PLCE1: variants seen among roughly 807,000 people sequenced by gnomAD.
PLCE1 encodes phospholipase C epsilon 1.
PLCE1 carries 119 observed loss-of-function variants against 242.8 expected under a neutral mutation model. The ratio of observed to expected loss-of-function variants is 0.49; its 90% CI spans 0.42 to 0.57. The LOEUF (loss-of-function observed/expected upper bound fraction) is 0.57. PLCE1 is among the 20% of genes least tolerant of loss of function. PLCE1 has a pLI of 0.00. For missense variants in PLCE1, 2,441 were observed against 2,788.8 expected (o/e 0.88, Z 2.81); for synonymous variants, 945 against 1,017.4 (o/e 0.93, Z 1.35).
chr10:94,187,521 G>T (rs866712762), intron 4 of PLCE1, among the ~76,000 whole-genome samples: 1 of 152,110 alleles, frequency 6.6e-6, no homozygotes, highest in Non-Finnish European at 1.5e-5. Flanking sequence ...CTGGATACCC[G>T]ATGGCTCGGT....
chr10:94,190,290 T>G (rs1045704046), intron 4 of PLCE1, among the ~76,000 whole-genome samples: 1 of 152,120 alleles, frequency 6.6e-6, no homozygotes, highest in Non-Finnish European at 1.5e-5. Flanking sequence ...AAAATTAAAT[T>G]AATTAATTAC....
chr10:94,250,942 C>G (rs2050852298), intron 8 of PLCE1, among the ~76,000 whole-genome samples: 1 of 152,178 alleles, frequency 6.6e-6, no homozygotes, highest in Admixed American at 6.5e-5. Context: ...AGCAGGGATT[C>G]TCTTCAGCAG....
intron 2 of PLCE1, among the ~76,000 whole-genome samples, chr10:94,069,469 C>G (rs933714935): frequency 6.6e-6 from 1 of 152,024 alleles, no homozygotes; most frequent in Non-Finnish European, 1.5e-5. Context: ...CAAAAATAAC[C>G]AGGAGTGGTG....
chr10:94,204,754 G>GGAAA (rs1157566056), intron 4 of PLCE1, among the ~76,000 whole-genome samples: 1 of 83,074 alleles, frequency 1.2e-5, no homozygotes, highest in Non-Finnish European at 2.7e-5. Context: ...GAGGGAGGAA[G>GGAAA]GAAGGAAGGA....
At chr10:94,122,351 A>C (rs76112301) in intron 2 of PLCE1, among the ~76,000 whole-genome samples, 1 of 152,072 alleles carries the variant, frequency 6.6e-6, no homozygotes, top group Non-Finnish European at 1.5e-5. Context: ...AACATAATCC[A>C]TTTGTCCTGA....
At chr10:94,186,803 A>C (rs2048492722) in intron 4 of PLCE1, among the ~76,000 whole-genome samples, 1 of 152,246 alleles carries the variant, frequency 6.6e-6, no homozygotes. Flanking sequence ...AAGGGAAAAA[A>C]ACTTAATTTG....
Position 94,324,894 on chromosome 10 carries a change from A to G in PLCE1, c.6723A>G (p.Ala2241=), listed in dbSNP as rs763269163. ...FILKLKEQVQ[A]SREDKKKGIS... ...TGGAAGGTTCTTTGTTCCCACAGGC[A>G]TCTCGAGAAGATAAAAAGAAAGGCA... The change falls in exon 32 of 33, where the codon GCA becomes GCG. Residue 2241 remains alanine, a splice_region_variant and synonymous_variant. Coordinates refer to ENST00000371380, the MANE Select transcript of PLCE1 (RefSeq NM_016341.4). 6.2e-7 allele frequency: 1 copy of G among 1,614,080 alleles called. No individual in the cohort carries two copies. The highest frequency in any genetic ancestry group is 8.5e-7 in the Non-Finnish European group (1 of 1,179,968).
chr10:94,131,390 A>G (rs1488735366), intron 2 of PLCE1, among the ~76,000 whole-genome samples: 1 of 152,212 alleles, frequency 6.6e-6, no homozygotes. Context: ...ACATCTTCCA[A>G]CACACTGCCT....
chr10:93,996,422 C>G (rs184649327), intron 1 of PLCE1, among the ~76,000 whole-genome samples: 10 of 152,148 alleles, frequency 6.6e-5, no homozygotes, highest in Non-Finnish European at 1.3e-4. Flanking sequence ...GATTAGGAAA[C>G]ATGGTGCTTC....
rs768703688 is a variant in PLCE1 at position 94,031,569 on chromosome 10, A to G, written c.523A>G (p.Thr175Ala). 12 of 1,612,340 alleles carry G rather than the reference A, an allele frequency of 7.4e-6. No individual in the cohort carries two copies. The South Asian group carries it at 1.2e-4, about 16-fold the overall frequency. ...PLGNQSVIIE[T>A]GRAHPDSRRA... ...AGGAAATCAGTCAGTGATCATAGAG[A>G]CAGGCAGAGCACACCCTGACAGCAG... The change falls in exon 2 of 33, where the codon ACA becomes GCA. Residue 175 changes from threonine to alanine, a missense_variant. Coordinates refer to ENST00000371380, the MANE Select transcript of PLCE1 (RefSeq NM_016341.4).
At chr10:94,069,496 C>T (rs190705093) in intron 2 of PLCE1, among the ~76,000 whole-genome samples, 54 of 152,180 alleles carry the variant, frequency 3.5e-4, no homozygotes, top group African/African-American at 1.1e-3. Flanking sequence ...GCCTGTAGTC[C>T]GAGCTACTCC....
Position 94,306,708 on chromosome 10 carries a change from A to T in PLCE1, c.5884+20A>T. The T allele has an allele frequency of 6.3e-7, 1 of 1,589,600 alleles. No individual in the cohort carries two copies. The highest frequency in any genetic ancestry group is 2.2e-5 in the East Asian group (1 of 44,538). On this transcript the variant is annotated intron_variant, in intron 26 of 32. Coordinates refer to ENST00000371380, the MANE Select transcript of PLCE1 (RefSeq NM_016341.4). The surrounding 1 kb of genome is among the most constrained non-coding windows in gnomAD (Gnocchi z 5.7). ...AACGAGGTAGAATAAAATTGTCCAA[A>T]TGTTAATAATTGTTGTAGCTAGGTG...
chr10:94,195,582 A>T (rs566672403), intron 4 of PLCE1, among the ~76,000 whole-genome samples: 19 of 152,176 alleles, frequency 1.2e-4, no homozygotes, highest in African/African-American at 4.6e-4. Flanking sequence ...TTTCTCTGGG[A>T]TGTTGAAACT....
chr10:94,251,716 C>A (rs1000272973), intron 8 of PLCE1, among the ~76,000 whole-genome samples: 1 of 152,092 alleles, frequency 6.6e-6, no homozygotes, highest in Non-Finnish European at 1.5e-5. Context: ...CTCAGAGCAT[C>A]CTAATATGTA....
chr10:94,226,401 A>G (rs924983344), intron 4 of PLCE1, among the ~76,000 whole-genome samples: 1 of 152,206 alleles, frequency 6.6e-6, no homozygotes, highest in Non-Finnish European at 1.5e-5. Flanking sequence ...CCTTACACAC[A>G]TCCCTGAGGA....
chr10:94,191,997 T>G (rs577698043), intron 4 of PLCE1, among the ~76,000 whole-genome samples: 12 of 152,332 alleles, frequency 7.9e-5, no homozygotes, highest in Middle Eastern at 3.4e-3. Flanking sequence ...TAATAATGTT[T>G]TTTACATTTT....
intron 30 of PLCE1, among the ~76,000 whole-genome samples, chr10:94,323,463 A>C (rs557966157): frequency 1.3e-5 from 2 of 152,248 alleles, no homozygotes; most frequent in East Asian, 3.9e-4. Context: ...GCCCTTATTT[A>C]TTTCTTTTGT....
intron 9 of PLCE1, among the ~76,000 whole-genome samples, chr10:94,253,491 C>A (rs923853046): frequency 6.6e-6 from 1 of 152,028 alleles, no homozygotes; most frequent in Non-Finnish European, 1.5e-5. Context: ...GTATCTGGGA[C>A]CACAGGTGTA....
chr10:94,275,568 G>A (rs2051916463), intron 19 of PLCE1, among the ~76,000 whole-genome samples: 1 of 152,168 alleles, frequency 6.6e-6, no homozygotes, highest in Non-Finnish European at 1.5e-5. Context: ...AGCCGCTGTG[G>A]CTCACGCCTG....
Sources: gnomAD v4.1 joint callset for allele counts (sites outside exome capture counted in the v4.1 genomes callset) on GRCh38, gnomAD v4.1.1 for gene constraint, Gnocchi (gnomAD v3.1) non-coding constraint, MANE v1.5 for transcripts, NCBI Gene and HGNC (gene_info 2026-07-23, HGNC 2026-07-21) for gene names.